The following STAU2 variants were observed in gnomAD, a reference collection of about 807,000 sequenced individuals.
The protein encoded by STAU2 is staufen double-stranded RNA binding protein 2, also known as double-stranded RNA-binding protein Staufen homolog 2.
A neutral mutation model predicts 65.9 loss-of-function variants in STAU2; 20 were observed. The observed-to-expected ratio is 0.30, with a 90% CI of 0.21 to 0.44. The LOEUF is 0.44. Ranked by LOEUF, STAU2 falls within the 20% of genes least tolerant of loss-of-function variation. STAU2 has a pLI of 1.00. For synonymous variants in STAU2, 232 were observed against 233.9 expected (o/e 0.99, Z 0.07); for missense variants, 558 against 683.9 (o/e 0.82, Z 2.05).
At chr8:73,660,139 G>GATATATAT (rs1398018620) in intron 6 of STAU2, among the ~76,000 whole-genome samples, 1 of 152,064 alleles carries the variant, frequency 6.6e-6, no homozygotes, top group Non-Finnish European at 1.5e-5. Flanking sequence ...GTCTAAAGGG[G>GATATATAT]ATATGAAAAA....
At chr8:73,555,502 T>G (rs1807675193) in intron 12 of STAU2, among the ~76,000 whole-genome samples, 1 of 151,982 alleles carries the variant, frequency 6.6e-6, no homozygotes. Context: ...CCCATATCCC[T>G]GGATTCAACC....
Position 73,709,119 on chromosome 8 carries a change from T to G in STAU2, c.27A>C (p.Ala9=), listed in dbSNP as rs1820714998. 1.3e-6 allele frequency: 2 copies of G among 1,532,284 alleles called. No individual in the cohort carries two copies. Among genetic ancestry groups the G allele is most frequent in the African/African-American group, 2.7e-5 (2 of 72,902 alleles). The allele number at this position is 1,532,284 out of a possible 1,614,324, so 94.9% of individuals were successfully genotyped here. Reference sequence around the variant, plus strand: ...GGGCTAACTCATTTACCAGACACATTGCAGTTTTCTCTTTTGGGTTTGCCA... The same window carrying G: ...GGGCTAACTCATTTACCAGACACATGGCAGTTTTCTCTTTTGGGTTTGCCA... MANPKEKT[A]MCLVNELARF... is the part of the protein sequence containing the mutation. The change falls in exon 4 of 15, where the codon GCA becomes GCC. Residue 9 remains alanine, a synonymous_variant. Transcript: ENST00000524300.
chr8:73,479,103 C>A (rs1475717966), intron 13 of STAU2, among the ~76,000 whole-genome samples: 1 of 152,104 alleles, frequency 6.6e-6, no homozygotes, highest in African/African-American at 2.4e-5. Context: ...ACTCCCCCAA[C>A]CCCTGGATTA....
chr8:73,595,412 C>T (rs995529228), intron 10 of STAU2, 115 bp from the exon 11 acceptor site: 39 of 999,244 alleles, frequency 3.9e-5, no homozygotes, highest in Admixed American at 9.5e-5. Context: ...AAAGTTCAGT[C>T]CAAAGTAAAA....
chr8:73,644,421 G>A (rs1380191141), intron 6 of STAU2, among the ~76,000 whole-genome samples: 5 of 151,278 alleles, frequency 3.3e-5, no homozygotes, highest in African/African-American at 7.3e-5. Context: ...CTCCAGCCTA[G>A]GCAACAGAGT....
intron 13 of STAU2, chr8:73,439,307 C>G (rs1316440359): frequency 6.3e-6 from 2 of 319,438 alleles, no homozygotes; most frequent in Non-Finnish European, 1.2e-5. Flanking sequence ...GAAGGCAGGA[C>G]AGCAAGCTGG....
intron 13 of STAU2, chr8:73,527,921 T>C: frequency 1.2e-5 from 2 of 165,624 alleles, no homozygotes; most frequent in Non-Finnish European, 2.2e-5. Flanking sequence ...TTTAAAACCT[T>C]ATTGAACCCC....
chr8:73,596,157 C>T (rs1439213292), intron 10 of STAU2, among the ~76,000 whole-genome samples: 1 of 150,844 alleles, frequency 6.6e-6, no homozygotes, highest in East Asian at 1.9e-4. Context: ...GGATATGAAA[C>T]TCAACTCTAT....
chr8:73,545,330 C>A (rs1355852405), intron 13 of STAU2, among the ~76,000 whole-genome samples: 1 of 151,962 alleles, frequency 6.6e-6, no homozygotes, highest in Non-Finnish European at 1.5e-5. Flanking sequence ...TGTGAGCCAC[C>A]TCATCCAGCC....
chr8:73,489,959 A>T (rs1478378556), intron 13 of STAU2, among the ~76,000 whole-genome samples: 1 of 152,050 alleles, frequency 6.6e-6, no homozygotes, highest in Non-Finnish European at 1.5e-5. Flanking sequence ...CCTTTTTGGC[A>T]TTCTGCATAT....
chr8:73,605,882 C>CACAT (rs1563453183), intron 9 of STAU2, among the ~76,000 whole-genome samples: 14 of 22,668 alleles, frequency 6.2e-4, no homozygotes, highest in East Asian at 4.2e-3. Flanking sequence ...CACACATACA[C>CACAT]ACACACACAC....
At chr8:73,471,941 C>T (rs750037638) in intron 13 of STAU2, among the ~76,000 whole-genome samples, 5 of 151,620 alleles carry the variant, frequency 3.3e-5, no homozygotes, top group South Asian at 2.1e-4. Flanking sequence ...GAGCATTGTA[C>T]GACAGAACCA....
intron 4 of STAU2, among the ~76,000 whole-genome samples, chr8:73,694,058 T>C (rs77708467): frequency 0.062 from 9,412 of 152,310 alleles, 395 homozygotes; most frequent in Middle Eastern, 0.17. Context: ...GCTATATTAA[T>C]ATCAGACTAA....
At position 73,673,240 on chromosome 8, in the gene STAU2, T is replaced by C; in HGVS notation, c.277A>G (p.Ser93Gly). 2 of 1,555,388 alleles carry C rather than the reference T, an allele frequency of 1.3e-6. No individual in the cohort carries two copies. Among genetic ancestry groups the C allele is most frequent in the Non-Finnish European group, 1.7e-6 (2 of 1,155,000 alleles). ...TTCAGTTCCACAGTTGGAGTTATACTGCCTGTTTAAAAAAAAAACATTAAA... is the reference window on the plus strand; with the variant it reads ...TTCAGTTCCACAGTTGGAGTTATACCGCCTGTTTAAAAAAAAAACATTAAA... ...PKSNVNNNPG[S>G]ITPTVELNGL... The change falls in exon 6 of 15, where the codon AGT becomes GGT. Residue 93 changes from serine to glycine, a missense_variant and splice_region_variant. Coordinates refer to ENST00000524300, the MANE Select transcript of STAU2 (RefSeq NM_001164380.2).
chr8:73,475,596 T>C (rs1396134682), intron 13 of STAU2, among the ~76,000 whole-genome samples: 4 of 152,180 alleles, frequency 2.6e-5, no homozygotes, highest in Admixed American at 2.6e-4. Context: ...ACGAAAGAAA[T>C]CATCTATAAA....
chr8:73,462,521 A>G (rs1819420532), intron 13 of STAU2, among the ~76,000 whole-genome samples: 1 of 151,864 alleles, frequency 6.6e-6, no homozygotes, highest in Non-Finnish European at 1.5e-5. Context: ...TCAGCCCTCC[A>G]AGTAGCTGGG....
chr8:73,521,018 A>G (rs1823010639), intron 13 of STAU2, among the ~76,000 whole-genome samples: 1 of 152,168 alleles, frequency 6.6e-6, no homozygotes, highest in Non-Finnish European at 1.5e-5. Flanking sequence ...ATCACTTAAG[A>G]CCATCTCGTA....
chr8:73,610,904 A>G (rs111528843), intron 9 of STAU2, among the ~76,000 whole-genome samples: 9,089 of 152,300 alleles, frequency 0.06, 305 homozygotes, highest in Middle Eastern at 0.13. Context: ...GTCAGATGTG[A>G]CAACTGGATC....
At chr8:73,732,559 T>C (rs1306552934) in intron 3 of STAU2, 1 of 152,188 alleles carries the variant, frequency 6.6e-6, no homozygotes, top group East Asian at 1.9e-4. Context: ...TCCTTATGTT[T>C]ACTATTTTTC....
Sources: gnomAD v4.1 joint callset for allele counts (sites outside exome capture counted in the v4.1 genomes callset) on GRCh38, gnomAD v4.1.1 for gene constraint, MANE v1.5 for transcripts, NCBI Gene and HGNC (gene_info 2026-07-23, HGNC 2026-07-21) for gene names.